PKHD1L1: variants seen among roughly 807,000 people sequenced by gnomAD.
PKHD1L1 encodes fibrocystin-L.
A neutral mutation model predicts 462.9 loss-of-function variants in PKHD1L1; 434 were observed. The observed-to-expected ratio is 0.94, with a 90% CI of 0.87 to 1.02. The LOEUF is 1.02. Among genes scored for constraint, PKHD1L1 ranks in the 50% least tolerant of loss-of-function variants. The pLI, the probability that PKHD1L1 is intolerant of heterozygous loss-of-function variation, is 0.00. For synonymous variants in PKHD1L1, 1,781 were observed against 1,750.0 expected (o/e 1.02, Z -0.44); for missense variants, 5,202 against 5,096.1 (o/e 1.02, Z -0.63).
chr8:109,496,493 C>T (rs1271565030), intron 63 of PKHD1L1, among the ~76,000 whole-genome samples: 1 of 152,170 alleles, frequency 6.6e-6, no homozygotes, highest in Non-Finnish European at 1.5e-5. Context: ...TTAAATTAAT[C>T]TTTAATCAGA....
chr8:109,399,057 T>C (rs1430403074), intron 12 of PKHD1L1, among the ~76,000 whole-genome samples: 1 of 152,178 alleles, frequency 6.6e-6, no homozygotes, highest in Non-Finnish European at 1.5e-5. Flanking sequence ...ATTGAAATGC[T>C]GTACATGTGT....
intron 63 of PKHD1L1, among the ~76,000 whole-genome samples, chr8:109,495,856 C>T (rs1819057737): frequency 6.6e-6 from 1 of 151,960 alleles, no homozygotes; most frequent in African/African-American, 2.4e-5. Context: ...CCAATTCATG[C>T]CTGTGTGGGG....
intron 9 of PKHD1L1, among the ~76,000 whole-genome samples, chr8:109,392,123 C>T (rs1422497364): frequency 2.6e-5 from 4 of 151,962 alleles, no homozygotes; most frequent in Non-Finnish European, 4.4e-5. Context: ...TTTTGTTGAA[C>T]GTATTAGAAA....
At position 109,370,403 on chromosome 8, in the gene PKHD1L1, C is replaced by A. The variant is rs541446306; in HGVS notation, c.163+5767C>A. On this transcript the variant is annotated intron_variant, in intron 2 of 77. Coordinates refer to ENST00000378402, the MANE Select transcript of PKHD1L1 (RefSeq NM_177531.6). ...TGCTGGGATTGCAGGCGTGAGCCAC[C>A]GCACCTGGCCTCTGTGTTATTTTTA... 9.9e-5 allele frequency among the ~76,000 whole-genome samples: 15 copies of A among 152,126 alleles called. No homozygotes were observed. In the East Asian group the frequency reaches 2.3e-3, roughly 23 times the overall value.
intron 19 of PKHD1L1, among the ~76,000 whole-genome samples, chr8:109,410,448 G>A (rs551254701): frequency 2.7e-4 from 41 of 152,154 alleles, no homozygotes; most frequent in African/African-American, 9.6e-4. Flanking sequence ...GAACAGGCAC[G>A]TCACTTGGCT....
intron 2 of PKHD1L1, 37 bp from the exon 3 acceptor site, chr8:109,381,333 T>C (rs1368997311): frequency 4.7e-6 from 7 of 1,498,376 alleles, no homozygotes; most frequent in Non-Finnish European, 4.5e-6. Flanking sequence ...GAAGATAGAA[T>C]ACCATTAATA....
rs866653073 is a variant in PKHD1L1 at position 109,388,584 on chromosome 8, A to T, written c.623+34A>T. On this transcript the variant is annotated intron_variant, in intron 7 of 77. Transcript: ENST00000378402. ...TTCAAATTATTTTCTTTACAAAAACAAATAGCAGATATAAGCATACTAAAT... is the reference window on the plus strand; with the variant it reads ...TTCAAATTATTTTCTTTACAAAAACTAATAGCAGATATAAGCATACTAAAT... 3 of 1,383,272 alleles carry T rather than the reference A, an allele frequency of 2.2e-6. No individual in the cohort carries two copies. The Middle Eastern group carries it at 5.4e-4, about 248-fold the overall frequency. 85.7% of individuals were successfully genotyped at this position (1,383,272 alleles called of 1,614,324 possible). A position where few individuals can be genotyped will look rare whatever the true frequency, so the allele number is the denominator to read the frequency against.
Position 109,401,601 on chromosome 8 carries a change from C to T in PKHD1L1, c.1373+13C>T. 2 of 1,395,252 alleles carry T rather than the reference C, an allele frequency of 1.4e-6. No homozygotes were observed. Among genetic ancestry groups the T allele is most frequent in the Non-Finnish European group, 2.0e-6 (2 of 992,434 alleles). The allele number at this position is 1,395,252 out of a possible 1,614,324, so 86.4% of individuals were successfully genotyped here. A position where few individuals can be genotyped will look rare whatever the true frequency, so the allele number is the denominator to read the frequency against. ...AGAAAGGAAAAGAGTAAGGCTTTTTCCTGTCATTAAATTACTGTGTGGTAT... is the reference window on the plus strand; with the variant it reads ...AGAAAGGAAAAGAGTAAGGCTTTTTTCTGTCATTAAATTACTGTGTGGTAT... On this transcript the variant is annotated intron_variant, in intron 14 of 77. Transcript: ENST00000378402.
At chr8:109,369,265 C>T (rs894887750) in intron 2 of PKHD1L1, among the ~76,000 whole-genome samples, 5 of 152,158 alleles carry the variant, frequency 3.3e-5, no homozygotes, top group African/African-American at 1.2e-4. Flanking sequence ...GCGTGAGCCA[C>T]CGCACCTGGC....
At chr8:109,446,638 A>G (rs1001324679) in intron 38 of PKHD1L1, among the ~76,000 whole-genome samples, 2 of 152,232 alleles carry the variant, frequency 1.3e-5, no homozygotes, top group Non-Finnish European at 2.9e-5. Flanking sequence ...AAATGTGAAC[A>G]ATAACAATGG....
chr8:109,501,919 A>T (rs921532116), intron 67 of PKHD1L1, among the ~76,000 whole-genome samples: 1 of 152,010 alleles, frequency 6.6e-6, no homozygotes, highest in Non-Finnish European at 1.5e-5. Context: ...CAGGCCCCTT[A>T]CCAACCAGCT....
At chr8:109,409,824 T>C in intron 18 of PKHD1L1, 41 bp from the exon 19 acceptor site, 1 of 1,204,920 alleles carries the variant, frequency 8.3e-7, no homozygotes, top group Non-Finnish European at 1.2e-6. Context: ...GTTCTAACTT[T>C]TCATGAAAAG....
At chr8:109,490,318 T>C (rs980831765) in intron 60 of PKHD1L1, among the ~76,000 whole-genome samples, 2 of 151,804 alleles carry the variant, frequency 1.3e-5, no homozygotes, top group Non-Finnish European at 2.9e-5. Flanking sequence ...GTGGTTTATA[T>C]ATCCACTTTA....
chr8:109,451,234 A>G, intron 41 of PKHD1L1, 85 bp downstream of exon 41: 2 of 1,382,292 alleles, frequency 1.4e-6, no homozygotes, highest in Non-Finnish European at 1.9e-6. Context: ...CGGACAGTGC[A>G]GAAATACAGT....
At chr8:109,487,890 G>GAGAAAGGAAGGAAGGA (rs1818620894) in intron 59 of PKHD1L1, among the ~76,000 whole-genome samples, 1 of 69,296 alleles carries the variant, frequency 1.4e-5, no homozygotes, top group Non-Finnish European at 2.9e-5. Context: ...GAGAGAGAGA[G>GAGAAAGGAAGGAAGGA]AGGAAGGAAG....
chr8:109,362,562 C>G lies in PKHD1L1; in HGVS notation c.-19C>G, dbSNP rs755352807. 2 of 1,597,490 alleles carry G rather than the reference C, an allele frequency of 1.3e-6. No individual in the cohort carries two copies. Among genetic ancestry groups the G allele is most frequent in the Non-Finnish European group, 1.7e-6 (2 of 1,171,754 alleles). ...CAGCTGCGAGCGGAGGGCACCAACT[C>G]CGCAGAACTGGCTTTTCAATGGGAC... On this transcript the variant is annotated 5_prime_UTR_variant, in exon 1 of 78. Transcript: ENST00000378402.
intron 59 of PKHD1L1, among the ~76,000 whole-genome samples, chr8:109,488,989 T>C (rs989001823): frequency 3.3e-5 from 5 of 151,986 alleles, no homozygotes; most frequent in African/African-American, 1.2e-4. Context: ...CCTATGACAA[T>C]CTTTCCTTGC....
Position 109,394,420 on chromosome 8 carries a change from T to A in PKHD1L1, c.746T>A (p.Phe249Tyr). 1 of 1,490,338 alleles carries A rather than the reference T, an allele frequency of 6.7e-7. No individual in the cohort carries two copies. The highest frequency in any genetic ancestry group is 9.0e-7 in the Non-Finnish European group (1 of 1,110,532). The allele number at this position is 1,490,338 out of a possible 1,614,324, so 92.3% of individuals were successfully genotyped here. Reference sequence around the variant, plus strand: ...ATTTAATCTTTTTTTAACAGGAGTTTTCCACAGAAAATGGCATATTTTGTT... The same window carrying A: ...ATTTAATCTTTTTTTAACAGGAGTTATCCACAGAAAATGGCATATTTTGTT... ...FILDNDYGRS[F>Y]PQKMAYFVSS... Residue 249 changes from phenylalanine (F) to tyrosine (Y), a missense_variant, in exon 10 of 78, where the codon TTT (phenylalanine) becomes TAT (tyrosine). By Grantham distance (22) the Phe-to-Tyr change is conservative. Coordinates refer to ENST00000378402, the MANE Select transcript of PKHD1L1 (RefSeq NM_177531.6).
At chr8:109,447,843 T>A (rs1370229314) in intron 38 of PKHD1L1, among the ~76,000 whole-genome samples, 1 of 152,192 alleles carries the variant, frequency 6.6e-6, no homozygotes, top group Non-Finnish European at 1.5e-5. Context: ...CTAGACCTGC[T>A]CTTTCCTCCT....
Sources: allele counts gnomAD v4.1 joint callset (sites outside exome capture counted in the v4.1 genomes callset), GRCh38; gene constraint gnomAD v4.1.1; transcripts MANE v1.5; gene names NCBI Gene and HGNC (gene_info 2026-07-23, HGNC 2026-07-21).